QRICH1: variants seen among roughly 807,000 people sequenced by gnomAD.
The protein encoded by QRICH1 is glutamine rich 1, also known as transcriptional regulator QRICH1.
QRICH1 carries 16 observed loss-of-function variants against 87.1 expected under a neutral mutation model. The observed-to-expected ratio is 0.18, with a 90% CI of 0.12 to 0.28. The LOEUF (loss-of-function observed/expected upper bound fraction) is 0.28, where lower values mean the gene tolerates loss of function less well. QRICH1 is among the 10% of genes least tolerant of loss of function. The probability of loss-of-function intolerance (pLI) is 1.00; values close to 1 mark genes in which losing one functional copy is unlikely to be tolerated. For missense variants in QRICH1, 647 were observed against 951.7 expected, an observed-to-expected ratio of 0.68 and a Z score of 4.21; for synonymous variants, 367 against 368.4, an observed-to-expected ratio of 1.00 and a Z score of 0.05.
intron 1 of QRICH1, among the ~76,000 whole-genome samples, chr3:49,089,063 T>G (rs1022530682): frequency 2.6e-5 from 4 of 151,924 alleles, no homozygotes; most frequent in African/African-American, 9.7e-5. Flanking sequence ...CTTTTTTTCT[T>G]TTCTTTTTTT....
chr3:49,088,245 G>T (rs1352945928), intron 1 of QRICH1, among the ~76,000 whole-genome samples: 1 of 150,528 alleles, frequency 6.6e-6, no homozygotes, highest in African/African-American at 2.4e-5. Flanking sequence ...GAGCCACCGT[G>T]CCCGACCAGA....
chr3:49,057,582 A>G lies in QRICH1; in HGVS notation c.618T>C (p.Ala206=). ...TCTGGATTTGGATCTGCTGACCACCAGCAAGAGACTGGCCAGCCACCAGCT... is the reference window on the plus strand; with the variant it reads ...TCTGGATTTGGATCTGCTGACCACCGGCAAGAGACTGGCCAGCCACCAGCT... ...QAQLVAGQSL[A]GGQQIQIQTV... Residue 206 remains alanine (A), a synonymous_variant, in exon 3 of 10, where the codon GCT becomes GCC. Transcript: ENST00000395443. The surrounding 1 kb of genome is among the most constrained non-coding windows in gnomAD (Gnocchi z 5.4). 1 of 1,613,700 alleles carries G rather than the reference A, an allele frequency of 6.2e-7. No homozygotes were observed.
chr3:49,082,000 G>GT (rs1241894316), intron 1 of QRICH1, among the ~76,000 whole-genome samples: 3 of 152,136 alleles, frequency 2.0e-5, no homozygotes, highest in Non-Finnish European at 4.4e-5. Flanking sequence ...TAGAGACAGG[G>GT]TATCACCGTG....
rs754899901 is a variant in QRICH1 at position 49,057,158 on chromosome 3, C to A, written c.1042G>T (p.Ala348Ser). The change falls in exon 3 of 10, where the codon GCC becomes TCC. Residue 348 changes from alanine to serine, a missense_variant. By Grantham distance (99) the Ala-to-Ser change is moderately conservative. Transcript: ENST00000395443. The surrounding 1 kb of genome is among the most constrained non-coding windows in gnomAD (Gnocchi z 5.4). ...NAVHVSGSPT[A>S]LAAVKLEDDK... ...TCCTCCAGCTTAACAGCTGCCAGGG[C>A]TGTGGGTGAGCCACTGACGTGAACT... The A allele has an allele frequency of 1.9e-6, 3 of 1,614,232 alleles. No individual in the cohort carries two copies. Among genetic ancestry groups the A allele is most frequent in the Non-Finnish European group, 2.5e-6 (3 of 1,180,044 alleles).
At chr3:49,087,975 A>G in intron 1 of QRICH1, among the ~76,000 whole-genome samples, 1 of 139,766 alleles carries the variant, frequency 7.2e-6, no homozygotes, top group African/African-American at 2.5e-5. Flanking sequence ...TTTTTGAGAC[A>G]GAGTCTCACT....
At chr3:49,049,760 A>G (rs1413966483) in intron 3 of QRICH1, among the ~76,000 whole-genome samples, 1 of 151,876 alleles carries the variant, frequency 6.6e-6, no homozygotes, top group African/African-American at 2.4e-5. Context: ...GGCCTCCCAA[A>G]GTGCTGGGAT....
In QRICH1 at chr3:49,030,126, T is replaced by A. The variant is rs891065700; in HGVS notation, c.*326A>T. 107 of 418,870 alleles carry A rather than the reference T, an allele frequency of 2.6e-4. No homozygotes were observed. Among genetic ancestry groups the A allele is most frequent in the Non-Finnish European group, 1.7e-5 (4 of 236,782 alleles). 25.9% of individuals were successfully genotyped at this position (418,870 alleles called of 1,614,324 possible). A position where few individuals can be genotyped will look rare whatever the true frequency, so the allele number is the denominator to read the frequency against. On this transcript the variant is annotated 3_prime_UTR_variant, in exon 10 of 10. Transcript: ENST00000395443. ...CATCCATCATTAATTCCATCTCTCT[T>A]GAAGATGGAAAGGGGCCACATTTCT...
intron 2 of QRICH1, among the ~76,000 whole-genome samples, chr3:49,059,201 G>A (rs1187212155): frequency 2.0e-5 from 3 of 151,158 alleles, no homozygotes; most frequent in Admixed American, 6.6e-5. Context: ...TCCTGACCTC[G>A]TGATCCGCCC....
chr3:49,060,602 T>A (rs2093429144), intron 2 of QRICH1, among the ~76,000 whole-genome samples: 1 of 152,112 alleles, frequency 6.6e-6, no homozygotes, highest in South Asian at 2.1e-4. Context: ...AGTGCTGGGA[T>A]TATAGGCGTG....
intron 2 of QRICH1, among the ~76,000 whole-genome samples, chr3:49,071,101 A>C (rs1244021418): frequency 6.7e-6 from 1 of 149,946 alleles, no homozygotes; most frequent in African/African-American, 2.5e-5. Flanking sequence ...CTCTTGCTCT[A>C]TCGCCCAGGC....
intron 2 of QRICH1, among the ~76,000 whole-genome samples, chr3:49,074,726 C>T (rs2106971768): frequency 6.6e-6 from 1 of 152,144 alleles, no homozygotes. Context: ...TGCCTGTAAT[C>T]CCAGCACTTT....
chr3:49,076,351 G>A (rs2106980082), intron 2 of QRICH1, among the ~76,000 whole-genome samples: 1 of 152,280 alleles, frequency 6.6e-6, no homozygotes, highest in East Asian at 1.9e-4. Context: ...CCCTCATCCT[G>A]GGAAAAGGTG....
At chr3:49,088,440 C>T (rs138958327) in intron 1 of QRICH1, among the ~76,000 whole-genome samples, 3,945 of 151,880 alleles carry the variant, frequency 0.026, 73 homozygotes, top group Middle Eastern at 0.044. Flanking sequence ...GAACTACAGG[C>T]GCACGCCACC....
intron 6 of QRICH1, among the ~76,000 whole-genome samples, chr3:49,038,921 G>A (rs1376212530): frequency 6.6e-6 from 1 of 152,154 alleles, no homozygotes; most frequent in Non-Finnish European, 1.5e-5. Context: ...CAGCTACTTG[G>A]GAGGCTGAGG....
At chr3:49,034,971 T>C (rs916746513) in intron 6 of QRICH1, among the ~76,000 whole-genome samples, 15 of 152,248 alleles carry the variant, frequency 9.9e-5, no homozygotes, top group African/African-American at 2.7e-4. Flanking sequence ...CTGTGTTCTA[T>C]GCTCTTGCCA....
At chr3:49,056,772 T>G in intron 3 of QRICH1, 90 bp downstream of exon 3, 1 of 1,577,568 alleles carries the variant, frequency 6.3e-7, no homozygotes, top group Non-Finnish European at 8.7e-7. Flanking sequence ...GTAACAGCAG[T>G]AAATAAGCCA....
chr3:49,065,463 T>C (rs1321723916), intron 2 of QRICH1, among the ~76,000 whole-genome samples: 1 of 152,110 alleles, frequency 6.6e-6, no homozygotes, highest in Non-Finnish European at 1.5e-5. Flanking sequence ...GCAAACCTAT[T>C]TAATGGCTGA....
At chr3:49,088,622 T>G (rs1307276215) in intron 1 of QRICH1, among the ~76,000 whole-genome samples, 32 of 147,562 alleles carry the variant, frequency 2.2e-4, no homozygotes, top group South Asian at 2.2e-4. Context: ...TTGTCTGTTT[T>G]TTTTTTTTTT....
At chr3:49,039,787 C>A (rs945941128) in intron 6 of QRICH1, among the ~76,000 whole-genome samples, 2 of 152,000 alleles carry the variant, frequency 1.3e-5, no homozygotes, top group Non-Finnish European at 2.9e-5. Context: ...AGGCCAGGCT[C>A]GGTGGCTCAT....
Sources: gnomAD v4.1 joint callset for allele counts (sites outside exome capture counted in the v4.1 genomes callset) on GRCh38, gnomAD v4.1.1 for gene constraint, Gnocchi (gnomAD v3.1) non-coding constraint, MANE v1.5 for transcripts, NCBI Gene and HGNC (gene_info 2026-07-23, HGNC 2026-07-21) for gene names.